The following PPARGC1A variants were observed in gnomAD, a reference collection of about 807,000 sequenced individuals.
PPARGC1A encodes PPARG coactivator 1 alpha, also known as peroxisome proliferator-activated receptor gamma coactivator 1-alpha.
Under a neutral mutation model 88.7 loss-of-function variants are expected in PPARGC1A, and 25 were observed. The observed-to-expected ratio is 0.28, with a 90% CI of 0.21 to 0.39. The LOEUF (loss-of-function observed/expected upper bound fraction) is 0.39, where lower values mean the gene tolerates loss of function less well. Among genes scored for constraint, PPARGC1A ranks in the 10% least tolerant of loss-of-function variants. The probability of loss-of-function intolerance (pLI) is 1.00; values close to 1 mark genes in which losing one functional copy is unlikely to be tolerated. For missense variants in PPARGC1A, 880 were observed against 968.7 expected (o/e 0.91, Z 1.22); for synonymous variants, 363 against 355.6 (o/e 1.02, Z -0.24).
the PPARGC1A span, among the ~76,000 whole-genome samples, chr4:24,273,807 T>G: frequency 6.7e-6 from 1 of 149,208 alleles, no homozygotes; most frequent in Non-Finnish European, 1.5e-5. Flanking sequence ...CTTGGCTCAC[T>G]GCAACCTCCA....
intron 2 of PPARGC1A, among the ~76,000 whole-genome samples, chr4:23,852,494 A>T (rs1729478522): frequency 6.6e-6 from 1 of 152,118 alleles, no homozygotes; most frequent in African/African-American, 2.4e-5. Flanking sequence ...TCAAGGCCAC[A>T]TCACTCATTC....
the PPARGC1A span, among the ~76,000 whole-genome samples, chr4:24,293,505 A>G: frequency 4.1e-5 from 1 of 24,346 alleles, no homozygotes; most frequent in Non-Finnish European, 7.1e-5. Context: ...CACTGCCTGC[A>G]CTCCTCCCTA....
At chr4:24,013,932 A>C in the PPARGC1A span, among the ~76,000 whole-genome samples, 1 of 152,198 alleles carries the variant, frequency 6.6e-6, no homozygotes, top group Non-Finnish European at 1.5e-5. Flanking sequence ...GGGGAATAAA[A>C]AGCCCAGAAG....
the PPARGC1A span, among the ~76,000 whole-genome samples, chr4:24,062,982 C>G: frequency 6.6e-6 from 1 of 152,198 alleles, no homozygotes; most frequent in African/African-American, 2.4e-5. Flanking sequence ...GAATTCCTAA[C>G]CTGTAAACGA....
chr4:23,973,610 C>T, the PPARGC1A span, among the ~76,000 whole-genome samples: 6 of 152,152 alleles, frequency 3.9e-5, no homozygotes, highest in African/African-American at 7.2e-5. Flanking sequence ...TTTGCCTTAA[C>T]GGAAGTGAAT....
At chr4:24,165,441 C>T in the PPARGC1A span, among the ~76,000 whole-genome samples, 1 of 152,070 alleles carries the variant, frequency 6.6e-6, no homozygotes, top group Non-Finnish European at 1.5e-5. Context: ...AGCAAGATAC[C>T]AATGACCTCA....
the PPARGC1A span, among the ~76,000 whole-genome samples, chr4:24,256,354 G>A: frequency 6.6e-6 from 1 of 152,144 alleles, no homozygotes; most frequent in South Asian, 2.1e-4. Context: ...CATGATTTCT[G>A]CTAACTATGA....
At chr4:24,454,622 C>T in the PPARGC1A span, among the ~76,000 whole-genome samples, 1 of 151,888 alleles carries the variant, frequency 6.6e-6, no homozygotes, top group African/African-American at 2.4e-5. Context: ...CCTATAGCCC[C>T]ACCTACTCAG....
chr4:24,413,069 C>T, the PPARGC1A span, among the ~76,000 whole-genome samples: 1 of 152,082 alleles, frequency 6.6e-6, no homozygotes, highest in Non-Finnish European at 1.5e-5. Context: ...GGCCCTCCTC[C>T]CCATAGAATT....
At chr4:24,029,003 C>A in the PPARGC1A span, among the ~76,000 whole-genome samples, 3 of 152,012 alleles carry the variant, frequency 2.0e-5, no homozygotes, top group Admixed American at 6.6e-5. Context: ...AATCCTTTCC[C>A]ACAAATAGTT....
intron 5 of PPARGC1A, among the ~76,000 whole-genome samples, chr4:23,827,416 G>A (rs929577309): frequency 4.0e-5 from 6 of 151,480 alleles, no homozygotes; most frequent in Admixed American, 6.6e-5. Flanking sequence ...GGAAAAGTTG[G>A]GAAAATGAAA....
At chr4:24,128,874 G>C in the PPARGC1A span, among the ~76,000 whole-genome samples, 1 of 152,098 alleles carries the variant, frequency 6.6e-6, no homozygotes, top group Non-Finnish European at 1.5e-5. Flanking sequence ...AAATGAAGTA[G>C]GACCCCCTCT....
chr4:23,897,845 T>A (rs1308478157), intron 1 of PPARGC1A, among the ~76,000 whole-genome samples: 2 of 152,178 alleles, frequency 1.3e-5, no homozygotes, highest in Non-Finnish European at 2.9e-5. Flanking sequence ...AGAGAAACAG[T>A]GGGCTTTCAT....
At chr4:24,183,578 A>G in the PPARGC1A span, among the ~76,000 whole-genome samples, 1 of 152,226 alleles carries the variant, frequency 6.6e-6, no homozygotes, top group African/African-American at 2.4e-5. Flanking sequence ...CCTGGGAGAC[A>G]TTAGACTGTA....
At chr4:23,883,803 ATT>A (rs1014152731) in intron 2 of PPARGC1A, 12 of 152,290 alleles carry the variant, frequency 7.9e-5, no homozygotes, top group African/African-American at 2.2e-4. Context: ...CTCAGTTAAT[ATT>A]TTAAACTTGG....
chr4:24,129,609 T>C, the PPARGC1A span, among the ~76,000 whole-genome samples: 17 of 152,278 alleles, frequency 1.1e-4, no homozygotes, highest in South Asian at 3.5e-3. Flanking sequence ...GATCTAGAAC[T>C]AGAAATACCA....
At chr4:24,076,026 G>T in the PPARGC1A span, among the ~76,000 whole-genome samples, 1 of 152,074 alleles carries the variant, frequency 6.6e-6, no homozygotes, top group Non-Finnish European at 1.5e-5. Flanking sequence ...GTTCCCATTA[G>T]CCAGGTAATG....
chr4:24,166,533 G>A, the PPARGC1A span, among the ~76,000 whole-genome samples: 3 of 152,166 alleles, frequency 2.0e-5, no homozygotes, highest in Non-Finnish European at 4.4e-5. Flanking sequence ...TGATTCTCTC[G>A]TTAGAGGTTA....
At chr4:24,257,160 T>C in the PPARGC1A span, among the ~76,000 whole-genome samples, 1 of 151,544 alleles carries the variant, frequency 6.6e-6, no homozygotes, top group African/African-American at 2.4e-5. Flanking sequence ...ACTGTCAGAG[T>C]TGCCTTTTTA....
Sources: gnomAD v4.1 joint callset for allele counts (sites outside exome capture counted in the v4.1 genomes callset) on GRCh38, gnomAD v4.1.1 for gene constraint, MANE v1.5 for transcripts, NCBI Gene and HGNC (gene_info 2026-07-23, HGNC 2026-07-21) for gene names.